The following CELF2 variants were observed in gnomAD, a reference collection of about 807,000 sequenced individuals.
CELF2 encodes the protein CUG triplet repeat RNA-binding protein 2.
In CELF2, 8 loss-of-function variants were observed where a neutral mutation model predicts 62.6. That is an observed-to-expected ratio of 0.13 (90% CI 0.07 to 0.23). The LOEUF (loss-of-function observed/expected upper bound fraction) is 0.23, where lower values mean the gene tolerates loss of function less well. Ranked by LOEUF, CELF2 falls within the 10% of genes least tolerant of loss-of-function variation. CELF2 has a pLI of 1.00. For synonymous variants in CELF2, 258 were observed against 250.0 expected, an observed-to-expected ratio of 1.03 and a Z score of -0.30; for missense variants, 333 against 671.0, an observed-to-expected ratio of 0.50 and a Z score of 5.56.
chr10:11,205,684 T>A (rs1442806329), intron 2 of CELF2, among the ~76,000 whole-genome samples: 3 of 152,174 alleles, frequency 2.0e-5, no homozygotes, highest in Non-Finnish European at 4.4e-5. Context: ...TGTCATGGTA[T>A]CTGCCATGAG....
At chr10:11,056,475 G>T (rs2065264205) in intron 1 of CELF2, among the ~76,000 whole-genome samples, 1 of 152,222 alleles carries the variant, frequency 6.6e-6, no homozygotes, top group Non-Finnish European at 1.5e-5. Flanking sequence ...AAAGAGAATT[G>T]TAAGATGCAA....
Position 11,046,944 on chromosome 10 carries a change from C to T in CELF2, c.74+28781C>T, listed in dbSNP as rs576636059. 1.4e-3 allele frequency among the ~76,000 whole-genome samples: 208 copies of T among 151,736 alleles called. 1 individual carries two copies. The highest frequency in any genetic ancestry group is 4.7e-3 in the African/African-American group (194 of 41,338). ...TTGGGCTTGTAGAGGAAGGATTGTT[C>T]GGAATTATTATATTGTCAGACCCAT... On this transcript the variant is annotated intron_variant, in intron 1 of 12. Coordinates refer to ENST00000633077, the MANE Select transcript of CELF2 (RefSeq NM_001326342.2). This position sits in a 1 kb window ranked among gnomAD's most constrained non-coding sequence, Gnocchi z 4.6.
At chr10:11,151,247 T>A (rs2132674389) in intron 1 of CELF2, among the ~76,000 whole-genome samples, 1 of 152,322 alleles carries the variant, frequency 6.6e-6, no homozygotes. Flanking sequence ...TTCCTGTATA[T>A]TCCCTGGATT....
At chr10:11,273,831 C>T (rs10795856) in intron 7 of CELF2, among the ~76,000 whole-genome samples, 31,797 of 151,990 alleles carry the variant, frequency 0.21, 4,637 homozygotes, top group East Asian at 0.69. Context: ...AAGCAATTCT[C>T]ATGCCTCAGC....
At position 11,246,549 on chromosome 10, in the gene CELF2, G is replaced by T. The variant is rs2075669855; in HGVS notation, c.355-2604G>T. Among the ~76,000 whole-genome samples, 1 of 152,070 alleles carries T rather than the reference G, an allele frequency of 6.6e-6. No homozygotes were observed. The highest frequency in any genetic ancestry group is 2.4e-5 in the African/African-American group (1 of 41,394). ...ACCTACTTCTGATAAATCCCGTGAA[G>T]AATTTTTTATTGCCAGATCCAAATT... On this transcript the variant is annotated intron_variant, in intron 3 of 12. Transcript: ENST00000633077. The surrounding 1 kb of genome is among the most constrained non-coding windows in gnomAD (Gnocchi z 4.6).
Position 10,855,063 on chromosome 10 carries a change from G to A in CELF2, c.53+56246G>A, listed in dbSNP as rs536538967. ...CATCTTTGGGTCACTGCCAAGCATC[G>A]GGTCCACCAGCCTCTCTCTGGTTCC... On this transcript the variant is annotated intron_variant, in intron 1 of 13. Coordinates refer to the CELF2 transcript ENST00000636488. 4.6e-5 allele frequency among the ~76,000 whole-genome samples: 7 copies of A among 152,154 alleles called. No homozygotes were observed. The South Asian group carries it at 6.2e-4, about 14-fold the overall frequency.
chr10:10,641,500 G>A, the CELF2 span, among the ~76,000 whole-genome samples: 3 of 152,098 alleles, frequency 2.0e-5, no homozygotes, highest in South Asian at 6.2e-4. Context: ...GAGTGCAATG[G>A]TGGGGTCTCT....
rs2093339385 is a variant in CELF2 at position 11,297,761 on chromosome 10, C to T, written c.976+9209C>T. ...TGAGGCAGGAGTTCCTTGAGGAACT[C>T]CCTGAGGCCAGGAGTTTGAGACCAG... On this transcript the variant is annotated intron_variant, in intron 9 of 12. Transcript: ENST00000633077. This position sits in a 1 kb window ranked among gnomAD's most constrained non-coding sequence, Gnocchi z 4.4. Among the ~76,000 whole-genome samples, 1 of 152,018 alleles carries T rather than the reference C, an allele frequency of 6.6e-6. No homozygotes were observed. Among genetic ancestry groups the T allele is most frequent in the Non-Finnish European group, 1.5e-5 (1 of 67,980 alleles).
At chr10:11,189,024 C>A (rs10905914) in intron 2 of CELF2, among the ~76,000 whole-genome samples, 17,780 of 152,074 alleles carry the variant, frequency 0.12, 1,278 homozygotes, top group African/African-American at 0.2. Context: ...CCAAATACAG[C>A]GATAAATAAC....
At chr10:10,512,867 G>A in the CELF2 span, among the ~76,000 whole-genome samples, 1 of 152,154 alleles carries the variant, frequency 6.6e-6, no homozygotes, top group Non-Finnish European at 1.5e-5. Context: ...GTCCTAGTGG[G>A]TGGTCAAATC....
chr10:11,239,428 C>G (rs1027183894), intron 3 of CELF2, among the ~76,000 whole-genome samples: 1 of 152,124 alleles, frequency 6.6e-6, no homozygotes, highest in Admixed American at 6.5e-5. Context: ...CGAGAAAGGC[C>G]ATTCTCTCCA....
At chr10:11,000,426 A>G (rs2054401053), upstream of CELF2, among the ~76,000 whole-genome samples, 2 of 152,206 alleles carry the variant, frequency 1.3e-5, no homozygotes, top group Non-Finnish European at 2.9e-5. Flanking sequence ...CTATTTATAC[A>G]TACATATTGA....
chr10:11,281,336 G>T (rs2088639326), intron 8 of CELF2, among the ~76,000 whole-genome samples: 2 of 152,174 alleles, frequency 1.3e-5, no homozygotes, highest in African/African-American at 4.8e-5. Context: ...GGACTGACGT[G>T]GGGTAGATGA....
In CELF2 at chr10:11,177,802, A is replaced by T. The variant is rs1175209055; in HGVS notation, c.271+12120A>T. Among the ~76,000 whole-genome samples, 1 of 152,200 alleles carries T rather than the reference A, an allele frequency of 6.6e-6. No homozygotes were observed. Among genetic ancestry groups the T allele is most frequent in the African/African-American group, 2.4e-5 (1 of 41,454 alleles). ...GATGCCATGAACTCAGGAGCGGGTGAGGAGGGCCTTTCTCTGCCTCCCATT... is the reference window on the plus strand; with the variant it reads ...GATGCCATGAACTCAGGAGCGGGTGTGGAGGGCCTTTCTCTGCCTCCCATT... On this transcript the variant is annotated intron_variant, in intron 2 of 12. Coordinates refer to ENST00000633077, the MANE Select transcript of CELF2 (RefSeq NM_001326342.2). This position sits in a 1 kb window ranked among gnomAD's most constrained non-coding sequence, Gnocchi z 4.8.
chr10:10,675,921 CCT>C, the CELF2 span, among the ~76,000 whole-genome samples: 1 of 152,076 alleles, frequency 6.6e-6, no homozygotes, highest in Non-Finnish European at 1.5e-5. Flanking sequence ...TTTTAAATTC[CCT>C]CTCTGATAAT....
intron 2 of CELF2, among the ~76,000 whole-genome samples, chr10:11,195,829 C>T (rs2057313827): frequency 6.6e-6 from 1 of 152,076 alleles, no homozygotes; most frequent in Non-Finnish European, 1.5e-5. Flanking sequence ...CCACTTGAGG[C>T]CAGGAATATT....
rs1229958897 is a variant in CELF2 at position 11,280,596 on chromosome 10, G to A, written c.841+5476G>A. On this transcript the variant is annotated intron_variant, in intron 8 of 12. Transcript: ENST00000633077. The surrounding 1 kb of genome is among the most constrained non-coding windows in gnomAD (Gnocchi z 7.6). ...ACACTGGGGCCAAGACAGTCCCCAC[G>A]CTCTTCTCGCCCCGGGTTATTACTG... Among the ~76,000 whole-genome samples the A allele has an allele frequency of 1.3e-5, 2 of 152,198 alleles. No homozygotes were observed. The highest frequency in any genetic ancestry group is 6.5e-5 in the Admixed American group (1 of 15,268).
At chr10:10,958,935 G>A (rs1290361536) in intron 2 of CELF2, among the ~76,000 whole-genome samples, 1 of 152,056 alleles carries the variant, frequency 6.6e-6, no homozygotes, top group Non-Finnish European at 1.5e-5. Context: ...TACAAGATAA[G>A]GCTAAAACAT....
the CELF2 span, among the ~76,000 whole-genome samples, chr10:10,604,959 G>A: frequency 6.6e-6 from 1 of 152,106 alleles, no homozygotes; most frequent in Non-Finnish European, 1.5e-5. Context: ...CTATTATAAA[G>A]ATAGATGCAC....
Sources: gnomAD v4.1 joint callset for allele counts (sites outside exome capture counted in the v4.1 genomes callset) on GRCh38, gnomAD v4.1.1 for gene constraint, Gnocchi (gnomAD v3.1) non-coding constraint, MANE v1.5 for transcripts, NCBI Gene and HGNC (gene_info 2026-07-23, HGNC 2026-07-21) for gene names.